Variants in PARD3B observed in about 807,000 individuals in gnomAD.
The protein encoded by PARD3B is partitioning defective 3 homolog B.
Under a neutral mutation model 130.2 loss-of-function variants are expected in PARD3B, and 103 were observed. The observed-to-expected ratio is 0.79, with a 90% CI of 0.67 to 0.93. The LOEUF is 0.93. Among genes scored for constraint, PARD3B ranks in the 40% least tolerant of loss-of-function variants. The pLI is 0.00. For missense variants in PARD3B, 1,609 were observed against 1,499.2 expected (o/e 1.07, Z -1.21); for synonymous variants, 583 against 553.2 (o/e 1.05, Z -0.76).
In PARD3B at chr2:205,128,108, T is replaced by C. The variant is rs935615934; in HGVS notation, c.1434+2371T>C. Reference sequence around the variant, plus strand: ...TGGAACTATGTGCTTATTTCTGAGATAGGAGAGCAAAGAAATAAGTTTTGA... The same window carrying C: ...TGGAACTATGTGCTTATTTCTGAGACAGGAGAGCAAAGAAATAAGTTTTGA... On this transcript the variant is annotated intron_variant, in intron 10 of 22. Coordinates refer to ENST00000406610, the MANE Select transcript of PARD3B (RefSeq NM_001302769.2). This position sits in a 1 kb window ranked among gnomAD's most constrained non-coding sequence, Gnocchi z 4.5. 1.3e-5 allele frequency among the ~76,000 whole-genome samples: 2 copies of C among 152,218 alleles called. No homozygotes were observed. The highest frequency in any genetic ancestry group is 2.9e-5 in the Non-Finnish European group (2 of 68,038).
chr2:204,601,489 A>G (rs1259988085), intron 1 of PARD3B, among the ~76,000 whole-genome samples: 2 of 151,994 alleles, frequency 1.3e-5, no homozygotes, highest in African/African-American at 2.4e-5. Flanking sequence ...TTAATTGAAG[A>G]ATGATTATGG....
chr2:204,765,326 T>C (rs975889893), intron 2 of PARD3B, among the ~76,000 whole-genome samples: 1 of 152,160 alleles, frequency 6.6e-6, no homozygotes, highest in African/African-American at 2.4e-5. Flanking sequence ...TAACAAGTCT[T>C]GCATGGTGTT....
chr2:205,161,998 A>T (rs1420251583), intron 11 of PARD3B, among the ~76,000 whole-genome samples: 1 of 151,590 alleles, frequency 6.6e-6, no homozygotes, highest in Non-Finnish European at 1.5e-5. Flanking sequence ...GAATACCTCG[A>T]CTCTAATTGA....
At chr2:204,726,207 ATGT>A (rs1286304676) in intron 2 of PARD3B, among the ~76,000 whole-genome samples, 4 of 152,318 alleles carry the variant, frequency 2.6e-5, no homozygotes, top group Non-Finnish European at 5.9e-5. Flanking sequence ...AGATAAAGGA[ATGT>A]ACCTTTTCTT....
rs1559342159 is a variant in PARD3B, at chr2:204,998,500, A to ATGTGTATATAATATATGTATATATATG, written c.394+33187_394+33188insATATATGTATATATATGTGTGTATATA. On this transcript the variant is annotated intron_variant, in intron 3 of 22. Coordinates refer to ENST00000406610, the MANE Select transcript of PARD3B (RefSeq NM_001302769.2). ...ATGTGTATATAATATATGTATATAT[A>ATGTGTATATAATATATGTATATATATG]TGTGTATATATATATGTGTGTGTAT... 1.8e-5 allele frequency among the ~76,000 whole-genome samples: 2 copies of ATGTGTATATAATATATGTATATATATG among 108,154 alleles called. 1 individual carries two copies. Among genetic ancestry groups the ATGTGTATATAATATATGTATATATATG allele is most frequent in the Non-Finnish European group, 3.8e-5 (2 of 52,846 alleles). 71.0% of individuals were successfully genotyped at this position (108,154 alleles called of 152,430 possible). A position where few individuals can be genotyped will look rare whatever the true frequency, so the allele number is the denominator to read the frequency against.
intron 11 of PARD3B, among the ~76,000 whole-genome samples, chr2:205,159,937 C>G (rs2125715447): frequency 6.6e-6 from 1 of 152,266 alleles, no homozygotes; most frequent in Non-Finnish European, 1.5e-5. Context: ...TAAATGTTAG[C>G]CATCTGAAAA....
At chr2:205,524,214 T>C (rs2051231112) in intron 21 of PARD3B, among the ~76,000 whole-genome samples, 1 of 152,194 alleles carries the variant, frequency 6.6e-6, no homozygotes, top group African/African-American at 2.4e-5. Context: ...TTTGTGTTCT[T>C]TTTATTGATG....
chr2:205,532,578 T>A (rs1312589191), intron 21 of PARD3B, among the ~76,000 whole-genome samples: 1 of 152,204 alleles, frequency 6.6e-6, no homozygotes, highest in Non-Finnish European at 1.5e-5. Context: ...TAGTGCAACA[T>A]TTGGCTAGTG....
chr2:205,539,730 T>C (rs2052038006), intron 21 of PARD3B, among the ~76,000 whole-genome samples: 1 of 152,122 alleles, frequency 6.6e-6, no homozygotes, highest in Non-Finnish European at 1.5e-5. Context: ...TGAACACAGT[T>C]CTCCAGACCC....
Position 204,941,284 on chromosome 2 carries a change from G to A in PARD3B, c.223-23868G>A, listed in dbSNP as rs544236540. ...GGCTATTCAGGAGGCTGAGGGAGGAGAATCGCTGGAGCCCGGAAGGCGGAG... is the reference window on the plus strand; with the variant it reads ...GGCTATTCAGGAGGCTGAGGGAGGAAAATCGCTGGAGCCCGGAAGGCGGAG... On this transcript the variant is annotated intron_variant, in intron 2 of 22. Coordinates refer to ENST00000406610, the MANE Select transcript of PARD3B (RefSeq NM_001302769.2). Among the ~76,000 whole-genome samples, 79 of 152,260 alleles carry A rather than the reference G, an allele frequency of 5.2e-4. 1 individual carries two copies. Among genetic ancestry groups the A allele is most frequent in the Middle Eastern group, 3.4e-3 (1 of 294 alleles).
rs1276053612 is a variant in PARD3B at position 205,185,780 on chromosome 2, T to G, written c.1941T>G (p.Asn647Lys). ...QDKQKGLLLPNDGWAESEVPP... is the reference protein window; with the variant it reads ...QDKQKGLLLPKDGWAESEVPP... ...TGTTTATAGGTCTATTGCTGCCCAA[T>G]GACGGATGGGCCGAGAGTGAAGTTC... The change falls in exon 14 of 23, where the codon AAT (asparagine) becomes AAG (lysine). Residue 647 changes from asparagine (N) to lysine (K), a missense_variant. Asn to Lys is a moderately conservative substitution (Grantham distance 94). Coordinates refer to ENST00000406610, the MANE Select transcript of PARD3B (RefSeq NM_001302769.2). 1 of 1,613,776 alleles carries G rather than the reference T, an allele frequency of 6.2e-7. No homozygotes were observed. The highest frequency in any genetic ancestry group is 1.3e-5 in the African/African-American group (1 of 74,928).
intron 18 of PARD3B, among the ~76,000 whole-genome samples, chr2:205,329,705 T>A (rs1399800193): frequency 6.6e-6 from 1 of 152,124 alleles, no homozygotes; most frequent in African/African-American, 2.4e-5. Context: ...TAAGAAATAA[T>A]CATGGCCGGG....
At chr2:205,194,315 T>C (rs538297062) in intron 15 of PARD3B, among the ~76,000 whole-genome samples, 1 of 152,354 alleles carries the variant, frequency 6.6e-6, no homozygotes, top group Admixed American at 6.5e-5. Flanking sequence ...AAATTGATTC[T>C]ATTTTGTATA....
At chr2:204,603,124 T>C (rs908554212) in intron 1 of PARD3B, among the ~76,000 whole-genome samples, 3 of 152,138 alleles carry the variant, frequency 2.0e-5, no homozygotes, top group African/African-American at 7.2e-5. Context: ...GAAGGGTAGA[T>C]AGATGGAACG....
intron 1 of PARD3B, among the ~76,000 whole-genome samples, chr2:204,632,468 A>G (rs1165985698): frequency 6.6e-6 from 1 of 151,576 alleles, no homozygotes; most frequent in Non-Finnish European, 1.5e-5. Context: ...TGACCTTTGG[A>G]TGGGGTATTT....
At chr2:204,792,220 TTTGA>T (rs1381541862) in intron 2 of PARD3B, among the ~76,000 whole-genome samples, 1 of 152,202 alleles carries the variant, frequency 6.6e-6, no homozygotes, top group Non-Finnish European at 1.5e-5. Context: ...TTATTAGACT[TTTGA>T]TTGGTTATGG....
At chr2:205,215,253 A>G (rs1204071641) in intron 15 of PARD3B, among the ~76,000 whole-genome samples, 1 of 152,030 alleles carries the variant, frequency 6.6e-6, no homozygotes, top group African/African-American at 2.4e-5. Flanking sequence ...AGTGATCCTA[A>G]GAGTTCACTT....
chr2:205,456,348 A>C (rs1452757120), intron 20 of PARD3B, among the ~76,000 whole-genome samples: 2 of 152,050 alleles, frequency 1.3e-5, no homozygotes, highest in African/African-American at 4.8e-5. Context: ...TTGTGTGAAC[A>C]TATGTTGTAT....
chr2:205,068,501 C>T (rs993428018), intron 4 of PARD3B, among the ~76,000 whole-genome samples: 27 of 151,966 alleles, frequency 1.8e-4, no homozygotes, highest in African/African-American at 5.8e-4. Flanking sequence ...TTCTTTCATT[C>T]TTTTCCAGTT....
Sources: gnomAD v4.1 joint callset for allele counts (sites outside exome capture counted in the v4.1 genomes callset) on GRCh38, gnomAD v4.1.1 for gene constraint, Gnocchi (gnomAD v3.1) non-coding constraint, MANE v1.5 for transcripts, NCBI Gene and HGNC (gene_info 2026-07-23, HGNC 2026-07-21) for gene names.